Variants in PLEKHM3 observed in about 807,000 individuals in gnomAD.
PLEKHM3 encodes pleckstrin homology domain containing M3.
Under a neutral mutation model 81.8 loss-of-function variants are expected in PLEKHM3, and 45 were observed. The ratio of observed to expected loss-of-function variants is 0.55; its 90% confidence interval spans 0.43 to 0.71. PLEKHM3 has a LOEUF of 0.71. PLEKHM3 is among the 30% of genes least tolerant of loss of function. PLEKHM3 has a pLI of 0.00. For synonymous variants in PLEKHM3, 352 were observed against 356.4 expected (o/e 0.99, Z 0.14); for missense variants, 788 against 924.3 (o/e 0.85, Z 1.91).
intron 6 of PLEKHM3, among the ~76,000 whole-genome samples, chr2:207,872,717 G>C (rs2092541235): frequency 6.6e-6 from 1 of 152,146 alleles, no homozygotes; most frequent in Non-Finnish European, 1.5e-5. Flanking sequence ...CTGCATGCTT[G>C]TAATCCCAGC....
chr2:207,991,294 C>T (rs899033035), intron 2 of PLEKHM3, among the ~76,000 whole-genome samples: 1 of 152,168 alleles, frequency 6.6e-6, no homozygotes, highest in African/African-American at 2.4e-5. Context: ...AAATGGCATT[C>T]CATTACAATT....
intron 7 of PLEKHM3, among the ~76,000 whole-genome samples, chr2:207,848,108 T>C (rs2092394213): frequency 6.6e-6 from 1 of 152,174 alleles, no homozygotes; most frequent in African/African-American, 2.4e-5. Flanking sequence ...ATTTAGTCTG[T>C]TTGTGCAAGG....
At chr2:207,851,740 C>CAAAAAAAAAAAAAAAAAAAAAAAAAA (rs10605219) in intron 7 of PLEKHM3, 3 of 64,310 alleles carry the variant, frequency 4.7e-5, no homozygotes, top group African/African-American at 1.2e-4. Flanking sequence ...AACTCCATCT[C>CAAAAAAAAAAAAAAAAAAAAAAAAAA]AAAAAAAAAA....
In PLEKHM3 at chr2:207,834,324, T is replaced by C. The variant is rs191490837; in HGVS notation, c.2109-5828A>G. Among the ~76,000 whole-genome samples the C allele has an allele frequency of 2.0e-5, 3 of 151,920 alleles. No homozygotes were observed. In the East Asian group the frequency reaches 5.8e-4, roughly 29 times the overall value. On this transcript the variant is annotated intron_variant, in intron 7 of 7. Coordinates refer to ENST00000427836, the MANE Select transcript of PLEKHM3 (RefSeq NM_001080475.3). Reference sequence around the variant, plus strand: ...TTTGTATTTTTAGTAGAGATAGGGTTTCTCCATGTGGGTCAGGTTGGTCTC... The same window carrying C: ...TTTGTATTTTTAGTAGAGATAGGGTCTCTCCATGTGGGTCAGGTTGGTCTC...
intron 3 of PLEKHM3, among the ~76,000 whole-genome samples, chr2:207,956,718 A>ATT (rs1170073686): frequency 0.018 from 1,253 of 69,120 alleles, 129 homozygotes; most frequent in Middle Eastern, 0.078. Context: ...GCTGATTAAA[A>ATT]TTTTTTTTTT....
intron 3 of PLEKHM3, among the ~76,000 whole-genome samples, chr2:207,954,238 C>T (rs1016425336): frequency 6.6e-6 from 1 of 152,072 alleles, no homozygotes; most frequent in Admixed American, 6.5e-5. Flanking sequence ...CACCTGCAAT[C>T]CCAGCTACTT....
chr2:207,957,945 A>G (rs1192125783), intron 3 of PLEKHM3, among the ~76,000 whole-genome samples: 1 of 152,182 alleles, frequency 6.6e-6, no homozygotes, highest in Non-Finnish European at 1.5e-5. Context: ...TATCTTAAGG[A>G]TGAAGGCAAG....
At chr2:207,856,196 A>T (rs2092436577) in intron 7 of PLEKHM3, among the ~76,000 whole-genome samples, 1 of 152,202 alleles carries the variant, frequency 6.6e-6, no homozygotes, top group African/African-American at 2.4e-5. Context: ...TTAAGAGAAA[A>T]ATTGGGCAGA....
At chr2:207,878,858 T>C (rs573572511) in intron 6 of PLEKHM3, among the ~76,000 whole-genome samples, 1 of 152,130 alleles carries the variant, frequency 6.6e-6, no homozygotes, top group East Asian at 1.9e-4. Flanking sequence ...TTTTATTTTT[T>C]ATTGAAAAGC....
At chr2:207,962,805 A>G (rs1278037508) in intron 3 of PLEKHM3, among the ~76,000 whole-genome samples, 1 of 152,056 alleles carries the variant, frequency 6.6e-6, no homozygotes, top group African/African-American at 2.4e-5. Flanking sequence ...ATTGTACCTT[A>G]TATCTGAGGA....
chr2:208,015,464 T>C (rs1372189440), intron 1 of PLEKHM3, among the ~76,000 whole-genome samples: 1 of 97,176 alleles, frequency 1.0e-5, no homozygotes, highest in East Asian at 2.4e-4. Context: ...AAGTAGTTTA[T>C]AGTTAATTTA....
chr2:207,899,261 T>C (rs1282998714), intron 6 of PLEKHM3, among the ~76,000 whole-genome samples: 1 of 152,228 alleles, frequency 6.6e-6, no homozygotes, highest in Non-Finnish European at 1.5e-5. Context: ...GTTATCCTTC[T>C]AGTCCCTTGA....
At chr2:207,887,684 G>T (rs1192554067) in intron 6 of PLEKHM3, among the ~76,000 whole-genome samples, 1 of 152,196 alleles carries the variant, frequency 6.6e-6, no homozygotes, top group Non-Finnish European at 1.5e-5. Context: ...AGATGGATTA[G>T]TTGGTCCTGA....
At chr2:207,888,037 G>A (rs1687933951) in intron 6 of PLEKHM3, among the ~76,000 whole-genome samples, 1 of 152,024 alleles carries the variant, frequency 6.6e-6, no homozygotes, top group African/African-American at 2.4e-5. Context: ...ATGTAGGACA[G>A]TTTCTTCCAT....
chr2:207,971,604 T>C (rs1574456692), intron 3 of PLEKHM3, among the ~76,000 whole-genome samples: 1 of 152,230 alleles, frequency 6.6e-6, no homozygotes, highest in East Asian at 1.9e-4. Flanking sequence ...CTAATTTATA[T>C]GGCATTTTGT....
At chr2:207,861,725 G>A (rs186242499) in intron 6 of PLEKHM3, among the ~76,000 whole-genome samples, 2 of 152,080 alleles carry the variant, frequency 1.3e-5, no homozygotes, top group African/African-American at 4.8e-5. Context: ...CAAGAACATA[G>A]AGTAAATGGG....
intron 4 of PLEKHM3, among the ~76,000 whole-genome samples, chr2:207,945,432 C>T (rs752894725): frequency 3.9e-5 from 6 of 152,056 alleles, no homozygotes; most frequent in South Asian, 4.1e-4. Flanking sequence ...ACTTGCTCTC[C>T]TTTTTAAAAA....
chr2:207,972,946 A>G (rs976770204), intron 3 of PLEKHM3, among the ~76,000 whole-genome samples: 3 of 152,232 alleles, frequency 2.0e-5, no homozygotes, highest in Non-Finnish European at 2.9e-5. Flanking sequence ...AAATGACATC[A>G]TAACAAAGAG....
chr2:207,969,523 T>C (rs552652491), intron 3 of PLEKHM3, among the ~76,000 whole-genome samples: 1 of 152,354 alleles, frequency 6.6e-6, no homozygotes, highest in East Asian at 1.9e-4. Flanking sequence ...TCATATGAAA[T>C]GCCATGTGGT....
Sources: gnomAD v4.1 joint callset for allele counts (sites outside exome capture counted in the v4.1 genomes callset) on GRCh38, gnomAD v4.1.1 for gene constraint, MANE v1.5 for transcripts, NCBI Gene and HGNC (gene_info 2026-07-23, HGNC 2026-07-21) for gene names.